LPAR1: variants seen among roughly 807,000 people sequenced by gnomAD.
LPAR1 encodes lysophosphatidic acid receptor 1.
LPAR1 carries 5 observed loss-of-function variants against 23.8 expected under a neutral mutation model. The observed-to-expected ratio is 0.21, with a 90% CI of 0.11 to 0.44. LPAR1 has a LOEUF of 0.44. Among genes scored for constraint, LPAR1 ranks in the 20% least tolerant of loss-of-function variants. The pLI, the probability that LPAR1 is intolerant of heterozygous loss-of-function variation, is 0.99. For synonymous variants in LPAR1, 160 were observed against 164.7 expected (o/e 0.97, Z 0.22); for missense variants, 311 against 482.8 (o/e 0.64, Z 3.33).
intron 4 of LPAR1, among the ~76,000 whole-genome samples, chr9:110,942,476 C>G (rs548503236): frequency 6.6e-6 from 1 of 152,262 alleles, no homozygotes; most frequent in East Asian, 1.9e-4. Context: ...ATACATGAGA[C>G]AGACAAAAAT....
At chr9:111,012,322 G>A (rs756683318) in intron 2 of LPAR1, among the ~76,000 whole-genome samples, 3 of 152,176 alleles carry the variant, frequency 2.0e-5, no homozygotes, top group Non-Finnish European at 4.4e-5. Flanking sequence ...TGTGAACACT[G>A]TGAGCAGGCT....
At chr9:110,888,755 T>C (rs907763362) in intron 5 of LPAR1, among the ~76,000 whole-genome samples, 1 of 152,094 alleles carries the variant, frequency 6.6e-6, no homozygotes, top group African/African-American at 2.4e-5. Context: ...GAGATAATGG[T>C]GGCTTTGAAT....
At chr9:110,972,010 C>T (rs2096440420) in intron 4 of LPAR1, 63 bp downstream of exon 4, 16 of 1,385,318 alleles carry the variant, frequency 1.2e-5, no homozygotes, top group Non-Finnish European at 1.1e-5. Context: ...CTTCCTGAAA[C>T]CCAGTTTAAA....
intron 2 of LPAR1, among the ~76,000 whole-genome samples, chr9:111,015,337 T>C (rs1001854059): frequency 2.6e-5 from 4 of 152,152 alleles, no homozygotes; most frequent in African/African-American, 9.7e-5. Flanking sequence ...TCACCCACCA[T>C]ATCTATTCAA....
chr9:110,885,208 T>C (rs1030696074), intron 5 of LPAR1, among the ~76,000 whole-genome samples: 2 of 152,244 alleles, frequency 1.3e-5, no homozygotes, highest in Non-Finnish European at 2.9e-5. Context: ...TTTCCTATAC[T>C]ATCACTGTTT....
At chr9:110,968,068 C>T (rs1013007130) in intron 4 of LPAR1, among the ~76,000 whole-genome samples, 1 of 152,126 alleles carries the variant, frequency 6.6e-6, no homozygotes, top group Non-Finnish European at 1.5e-5. Flanking sequence ...AAACTATTAT[C>T]GAAAGTCAGA....
chr9:110,907,423 T>C (rs1299102769), intron 5 of LPAR1, among the ~76,000 whole-genome samples: 1 of 152,062 alleles, frequency 6.6e-6, no homozygotes, highest in East Asian at 1.9e-4. Flanking sequence ...GAATAAACTA[T>C]AAGAATAAAG....
At chr9:110,947,479 T>C (rs140599270) in intron 4 of LPAR1, among the ~76,000 whole-genome samples, 47 of 152,358 alleles carry the variant, frequency 3.1e-4, no homozygotes, top group African/African-American at 1.1e-3. Flanking sequence ...ATAGAGTAGA[T>C]GTTACAAATC....
intron 5 of LPAR1, among the ~76,000 whole-genome samples, chr9:110,881,926 C>T (rs1481371213): frequency 6.6e-6 from 1 of 152,200 alleles, no homozygotes. Flanking sequence ...TCTTTCCACT[C>T]GCTCCTCATT....
Position 110,987,460 on chromosome 9 carries a change from G to A in LPAR1, c.-181-13902C>T, listed in dbSNP as rs1439741789. On this transcript the variant is annotated intron_variant, in intron 2 of 5. Coordinates refer to ENST00000683809, the MANE Select transcript of LPAR1 (RefSeq NM_001351411.2). The stretch of plus-strand genomic sequence containing the variant: ...CCCTACTCCCTGGCCCCCTACTCAC[G>A]AAATTATTCTTTAAAAACTTCAGTC... Among the ~76,000 whole-genome samples the A allele has an allele frequency of 9.9e-5, 15 of 151,468 alleles. No individual in the cohort carries two copies. In the South Asian group the frequency reaches 1.5e-3, roughly 15 times the overall value.
chr9:110,954,997 A>G (rs1422483717), intron 4 of LPAR1, among the ~76,000 whole-genome samples: 1 of 152,228 alleles, frequency 6.6e-6, no homozygotes, highest in Non-Finnish European at 1.5e-5. Flanking sequence ...ACAAAACCAC[A>G]ATGATAAACA....
At position 110,875,255 on chromosome 9, in the gene LPAR1, ATC is replaced by A; in HGVS notation, c.*164_*165del. 1 of 564,094 alleles carries A rather than the reference ATC, an allele frequency of 1.8e-6. No homozygotes were observed. The highest frequency in any genetic ancestry group is 3.1e-6 in the Non-Finnish European group (1 of 323,424). The allele number at this position is 564,094 out of a possible 1,614,324, so 34.9% of individuals were successfully genotyped here. A position where few individuals can be genotyped will look rare whatever the true frequency, so the allele number is the denominator to read the frequency against. Reference sequence around the variant, plus strand: ...TCACATAAGCTAATTTTCAATATATATCAAGTCTTGTGGGGTCCAGGAACAAA... The same window carrying A: ...TCACATAAGCTAATTTTCAATATATAAAGTCTTGTGGGGTCCAGGAACAAA... On this transcript the variant is annotated 3_prime_UTR_variant, in exon 6 of 6. Transcript: ENST00000683809.
At chr9:111,020,541 G>T (rs1393668234) in intron 2 of LPAR1, among the ~76,000 whole-genome samples, 1 of 152,164 alleles carries the variant, frequency 6.6e-6, no homozygotes, top group Non-Finnish European at 1.5e-5. Flanking sequence ...CTCTCTTAGG[G>T]CTATCCAGAA....
chr9:111,004,470 C>T (rs2097179357), intron 2 of LPAR1, among the ~76,000 whole-genome samples: 1 of 152,130 alleles, frequency 6.6e-6, no homozygotes, highest in East Asian at 1.9e-4. Context: ...TATGATGAAC[C>T]ATGGCTTCCT....
chr9:110,942,349 TA>T (rs1336001988), intron 4 of LPAR1, among the ~76,000 whole-genome samples, 181 bp from the exon 5 acceptor site: 16 of 152,250 alleles, frequency 1.1e-4, no homozygotes, highest in Admixed American at 1.0e-3. Flanking sequence ...CTCACAATAT[TA>T]CTGTCCTTAA....
At chr9:110,940,854 A>G (rs996965814) in intron 5 of LPAR1, among the ~76,000 whole-genome samples, 5 of 152,214 alleles carry the variant, frequency 3.3e-5, no homozygotes, top group Non-Finnish European at 5.9e-5. Context: ...CTCCACTACT[A>G]CAAATAGAAA....
intron 2 of LPAR1, 26 bp downstream of exon 2, chr9:111,036,096 G>T (rs1003789726): frequency 6.6e-6 from 1 of 152,124 alleles, no homozygotes; most frequent in East Asian, 1.9e-4. Flanking sequence ...TAGAAGTTTC[G>T]AAAGGGCTGC....
At chr9:110,915,002 T>C (rs2092920162) in intron 5 of LPAR1, among the ~76,000 whole-genome samples, 1 of 152,140 alleles carries the variant, frequency 6.6e-6, no homozygotes, top group Admixed American at 6.5e-5. Context: ...AGAATGATAG[T>C]GAGGGCCCCT....
chr9:110,972,358 G>A (rs2096450954), intron 3 of LPAR1, 138 bp from the exon 4 acceptor site: 2 of 505,358 alleles, frequency 4.0e-6, no homozygotes, highest in Non-Finnish European at 7.1e-6. Context: ...AAGCCGGTAG[G>A]GAAAAGCTAA....
Sources: allele counts gnomAD v4.1 joint callset (sites outside exome capture counted in the v4.1 genomes callset), GRCh38; gene constraint gnomAD v4.1.1; transcripts MANE v1.5; gene names NCBI Gene and HGNC (gene_info 2026-07-23, HGNC 2026-07-21).